SYCE2: variants seen among roughly 807,000 people sequenced by gnomAD.
SYCE2 encodes synaptonemal complex central element protein 2, also known as central element synaptonemal complex 1.
A neutral mutation model predicts 27.9 loss-of-function variants in SYCE2; 3 were observed. The ratio of observed to expected loss-of-function variants is 0.11; its 90% CI spans 0.05 to 0.28. The LOEUF is 0.28. Ranked by LOEUF, SYCE2 falls within the 10% of genes least tolerant of loss-of-function variation. SYCE2 has a pLI of 1.00. For missense variants in SYCE2, 207 were observed against 263.5 expected (o/e 0.79, Z 1.48); for synonymous variants, 85 against 100.7 (o/e 0.84, Z 0.93).
chr19:12,904,756 CT>C, intron 2 of SYCE2, 90 bp from the exon 3 acceptor site: 1 of 1,447,490 alleles, frequency 6.9e-7, no homozygotes, highest in Non-Finnish European at 9.4e-7. Context: ...AATCTCAGCA[CT>C]TTGTAGGCCG....
chr19:12,904,289 T>A (rs1036534251), intron 3 of SYCE2, among the ~76,000 whole-genome samples: 1 of 152,148 alleles, frequency 6.6e-6, no homozygotes, highest in African/African-American at 2.4e-5. Context: ...CTTACTACAG[T>A]TCAACTTACT....
chr19:12,914,507 C>T (rs535766023), intron 2 of SYCE2, among the ~76,000 whole-genome samples: 4 of 152,130 alleles, frequency 2.6e-5, no homozygotes, highest in Middle Eastern at 3.4e-3. Context: ...ATCTGCCCTG[C>T]TAAAGGCCAC....
intron 3 of SYCE2, among the ~76,000 whole-genome samples, chr19:12,902,311 T>C (rs1446426431): frequency 6.6e-6 from 1 of 152,112 alleles, no homozygotes; most frequent in African/African-American, 2.4e-5. Flanking sequence ...GTACACAGAA[T>C]AGAAGAGGCA....
intron 2 of SYCE2, 105 bp downstream of exon 2, chr19:12,918,117 G>T: frequency 2.1e-6 from 2 of 945,308 alleles, no homozygotes; most frequent in South Asian, 1.4e-5. Context: ...TGTGTTAGGA[G>T]GGAAAAAAAA....
Position 12,913,837 on chromosome 19 carries a change from C to CT in SYCE2, c.131+4384dup, listed in dbSNP as rs199775445. ...ACAAACGACTTCAACCATTGCTTCC[C>CT]TTTTTTTTTGGTCTCCAATTGACAG... On this transcript the variant is annotated intron_variant, in intron 2 of 5. Coordinates refer to ENST00000293695, the MANE Select transcript of SYCE2 (RefSeq NM_001105578.2). Among the ~76,000 whole-genome samples the CT allele has an allele frequency of 1.3e-4, 19 of 151,396 alleles. 2 individuals are homozygous for CT. In the South Asian group the frequency reaches 2.3e-3, roughly 18 times the overall value.
At chr19:12,912,000 C>T (rs1187061631) in intron 2 of SYCE2, among the ~76,000 whole-genome samples, 3 of 151,400 alleles carry the variant, frequency 2.0e-5, no homozygotes, top group African/African-American at 4.9e-5. Context: ...TGCAGTGGCA[C>T]GATCTCGGCT....
intron 2 of SYCE2, among the ~76,000 whole-genome samples, chr19:12,915,497 G>A (rs1010262684): frequency 4.0e-5 from 6 of 151,362 alleles, no homozygotes; most frequent in African/African-American, 1.5e-4. Context: ...AGCTACTCGG[G>A]AGGCTAAGGC....
At chr19:12,918,959 A>C (rs1971190811) in intron 1 of SYCE2, among the ~76,000 whole-genome samples, 1 of 100,138 alleles carries the variant, frequency 1.0e-5, no homozygotes, top group Non-Finnish European at 2.1e-5. Flanking sequence ...TCAAAAAAAA[A>C]AAAAAAAAGA....
chr19:12,908,538 A>G (rs1326962587), intron 2 of SYCE2, among the ~76,000 whole-genome samples: 2 of 151,840 alleles, frequency 1.3e-5, no homozygotes. Flanking sequence ...GTTAGCCAGG[A>G]TGGTTTCCAT....
intron 3 of SYCE2, among the ~76,000 whole-genome samples, chr19:12,902,138 T>C (rs1970852299): frequency 6.6e-6 from 1 of 152,206 alleles, no homozygotes; most frequent in African/African-American, 2.4e-5. Context: ...TGCAGGTTTG[T>C]AGCTTAGGAG....
chr19:12,918,415 C>G (rs1971178150), intron 1 of SYCE2, 78 bp from the exon 2 acceptor site: 1 of 1,341,662 alleles, frequency 7.5e-7, no homozygotes, highest in Non-Finnish European at 1.1e-6. Flanking sequence ...ACCCTTCAAC[C>G]CTGGTCACCT....
chr19:12,917,676 T>TTTTTTTTTTTTTG (rs1971161330), intron 2 of SYCE2, among the ~76,000 whole-genome samples: 2 of 146,696 alleles, frequency 1.4e-5, no homozygotes, highest in African/African-American at 2.5e-5. Flanking sequence ...TTTTTTTTTT[T>TTTTTTTTTTTTTG]GAGACAGCGT....
At position 12,904,512 on chromosome 19, in the gene SYCE2, T is replaced by A; in HGVS notation, c.286A>T (p.Arg96Trp). 1 of 1,614,144 alleles carries A rather than the reference T, an allele frequency of 6.2e-7. No homozygotes were observed. Among genetic ancestry groups the A allele is most frequent in the Non-Finnish European group, 8.5e-7 (1 of 1,180,018 alleles). The change falls in exon 3 of 6, where the codon AGG becomes TGG. Residue 96 changes from arginine (R) to tryptophan (W), a missense_variant. By Grantham distance (101) the Arg-to-Trp change is moderately radical. Transcript: ENST00000293695. The stretch of plus-strand genomic sequence containing the variant: ...GTCACCTTGGTCTTCAGGCTGTTCC[T>A]GAAGTTGGTCATGAGTGCATGGTCC... ...QKDHALMTNF[R>W]NSLKTKVSDL...
At chr19:12,911,116 C>T (rs933365311) in intron 2 of SYCE2, among the ~76,000 whole-genome samples, 1 of 152,040 alleles carries the variant, frequency 6.6e-6, no homozygotes, top group Non-Finnish European at 1.5e-5. Context: ...GGACTACAGG[C>T]GGGTACCACT....
chr19:12,907,134 T>C (rs75334886), intron 2 of SYCE2, among the ~76,000 whole-genome samples: 3,196 of 152,318 alleles, frequency 0.021, 50 homozygotes, highest in Admixed American at 0.036. Context: ...TAACTTTTCC[T>C]CAGCCATGTT....
intron 2 of SYCE2, among the ~76,000 whole-genome samples, chr19:12,910,908 A>T (rs1445235139): frequency 6.8e-6 from 1 of 147,548 alleles, no homozygotes; most frequent in African/African-American, 2.5e-5. Flanking sequence ...CAATCTGCTG[A>T]CCTCATGATC....
intron 2 of SYCE2, among the ~76,000 whole-genome samples, chr19:12,911,825 C>T (rs1171207033): frequency 1.3e-5 from 2 of 152,060 alleles, no homozygotes; most frequent in African/African-American, 4.8e-5. Flanking sequence ...ACCATGTTGG[C>T]CAGGCTGGTC....
intron 2 of SYCE2, among the ~76,000 whole-genome samples, chr19:12,915,130 A>C (rs1268784729): frequency 6.6e-6 from 1 of 151,986 alleles, no homozygotes; most frequent in Non-Finnish European, 1.5e-5. Flanking sequence ...TGGTAGACTC[A>C]TGTGGAATAT....
chr19:12,900,995 G>A (rs62109862), intron 3 of SYCE2, among the ~76,000 whole-genome samples: 22,204 of 151,930 alleles, frequency 0.15, 2,675 homozygotes, highest in East Asian at 0.61. Flanking sequence ...GTGAAACCCC[G>A]TCTCTACTAA....
Sources: allele counts gnomAD v4.1 joint callset (sites outside exome capture counted in the v4.1 genomes callset), GRCh38; gene constraint gnomAD v4.1.1; transcripts MANE v1.5; gene names NCBI Gene and HGNC (gene_info 2026-07-23, HGNC 2026-07-21).